The following SOAT1 variants were observed in gnomAD, a reference collection of about 807,000 sequenced individuals.
SOAT1 encodes the protein acyl-coenzyme A:cholesterol acyltransferase 1.
Under a neutral mutation model 69.5 loss-of-function variants are expected in SOAT1, and 55 were observed. The observed-to-expected ratio is 0.79, with a 90% CI of 0.64 to 0.99. The LOEUF (loss-of-function observed/expected upper bound fraction) is 0.99, where lower values mean the gene tolerates loss of function less well. Ranked by LOEUF, SOAT1 falls within the 50% of genes least tolerant of loss-of-function variation. SOAT1 has a pLI of 0.00. For missense variants in SOAT1, 580 were observed against 669.3 expected (o/e 0.87, Z 1.47); for synonymous variants, 231 against 224.7 (o/e 1.03, Z -0.25).
At chr1:179,346,833 G>A (rs1450356619) in intron 11 of SOAT1, among the ~76,000 whole-genome samples, 1 of 152,148 alleles carries the variant, frequency 6.6e-6, no homozygotes, top group Non-Finnish European at 1.5e-5. Flanking sequence ...TATTCTGGAG[G>A]CTGAGGTGGG....
rs549015067 is a variant in SOAT1, at chr1:179,319,516, C to T, written c.119-3921C>T. Among the ~76,000 whole-genome samples the T allele has an allele frequency of 2.0e-5, 3 of 152,216 alleles. No homozygotes were observed. In the East Asian group the frequency reaches 5.8e-4, roughly 29 times the overall value. ...AACTGCCGACCTCAGGTGATCTGCCCGCCTTGGCCTCCCAAAATGCTGGGA... is the reference window on the plus strand; with the variant it reads ...AACTGCCGACCTCAGGTGATCTGCCTGCCTTGGCCTCCCAAAATGCTGGGA... On this transcript the variant is annotated intron_variant, in intron 2 of 15. Transcript: ENST00000367619.
chr1:179,315,045 T>G (rs1264479479), intron 2 of SOAT1, among the ~76,000 whole-genome samples: 1 of 152,172 alleles, frequency 6.6e-6, no homozygotes, highest in Non-Finnish European at 1.5e-5. Context: ...GGGAGGCAAA[T>G]GATTCCGAAA....
At chr1:179,351,612 A>G in intron 15 of SOAT1, 150 bp downstream of exon 15, 1 of 678,822 alleles carries the variant, frequency 1.5e-6, no homozygotes, top group Non-Finnish European at 2.4e-6. Context: ...TTAGTTTATC[A>G]TCTGATCTTA....
intron 3 of SOAT1, among the ~76,000 whole-genome samples, 166 bp downstream of exon 3, chr1:179,323,661 A>G (rs1225246449): frequency 1.3e-5 from 2 of 152,224 alleles, no homozygotes; most frequent in Non-Finnish European, 2.9e-5. Flanking sequence ...CATCCTGCGT[A>G]AGGATCCAGA....
At chr1:179,299,575 A>G (rs561670220) in intron 1 of SOAT1, among the ~76,000 whole-genome samples, 12 of 152,240 alleles carry the variant, frequency 7.9e-5, no homozygotes, top group Middle Eastern at 3.4e-3. Context: ...TAACAATAGT[A>G]TCTGTCTTGA....
intron 2 of SOAT1, among the ~76,000 whole-genome samples, chr1:179,311,432 AAAG>A (rs1251901584): frequency 6.6e-6 from 1 of 152,208 alleles, no homozygotes; most frequent in African/African-American, 2.4e-5. Flanking sequence ...TCTTCAGGGA[AAAG>A]AAGAGTTGCA....
rs1210149049 is a variant in SOAT1 at position 179,354,769 on chromosome 1, T to C, written c.*1128T>C. On this transcript the variant is annotated 3_prime_UTR_variant, in exon 16 of 16. Coordinates refer to ENST00000367619, the MANE Select transcript of SOAT1 (RefSeq NM_003101.6). ...TGTACTCTATTATGTAATACTTCCA[T>C]TTTATAAGATGCCCATTTCTAATAC... is the stretch of plus-strand genomic sequence containing the variant. The C allele has an allele frequency of 6.6e-6, 1 of 152,198 alleles. No individual in the cohort carries two copies. Among genetic ancestry groups the C allele is most frequent in the Non-Finnish European group, 1.5e-5 (1 of 68,032 alleles). 9.4% of individuals were successfully genotyped at this position (152,198 alleles called of 1,614,324 possible).
intron 3 of SOAT1, among the ~76,000 whole-genome samples, chr1:179,331,708 G>A (rs1362704913): frequency 6.6e-6 from 1 of 152,180 alleles, no homozygotes; most frequent in Admixed American, 6.5e-5. Flanking sequence ...TGAAGGAAAA[G>A]AATGAGATTC....
At chr1:179,344,856 GTCACA>G (rs1289651835) in intron 10 of SOAT1, 86 bp from the exon 11 acceptor site, 1 of 1,196,152 alleles carries the variant, frequency 8.4e-7, no homozygotes, top group South Asian at 1.3e-5. Flanking sequence ...TACTGTAAGG[GTCACA>G]TCTGTACTTT....
chr1:179,344,705 G>C (rs992421503), intron 10 of SOAT1, among the ~76,000 whole-genome samples: 1 of 152,134 alleles, frequency 6.6e-6, no homozygotes, highest in Admixed American at 6.5e-5. Context: ...AGGAAAACAG[G>C]TTCCAAGAGT....
chr1:179,345,517 T>C (rs1238757742), intron 11 of SOAT1, among the ~76,000 whole-genome samples: 1 of 152,164 alleles, frequency 6.6e-6, no homozygotes, highest in East Asian at 1.9e-4. Flanking sequence ...CCATGAAGCA[T>C]TGGGTGCTGC....
chr1:179,323,045 C>CTTTTTTTTTTTTTTTTTTTTCTT (rs36045111), intron 2 of SOAT1, among the ~76,000 whole-genome samples: 3 of 126,738 alleles, frequency 2.4e-5, no homozygotes, highest in Non-Finnish European at 3.2e-5. Context: ...TCTTTTCTTT[C>CTTTTTTTTTTTTTTTTTTTTCTT]TTTTTTTTTT....
chr1:179,332,691 CATT>C (rs1263786459), intron 3 of SOAT1, among the ~76,000 whole-genome samples: 6 of 152,176 alleles, frequency 3.9e-5, no homozygotes, highest in Admixed American at 2.0e-4. Flanking sequence ...ATAACCTCAA[CATT>C]ATTTTCAGGT....
At chr1:179,333,500 A>G (rs927886491) in intron 3 of SOAT1, among the ~76,000 whole-genome samples, 1 of 151,708 alleles carries the variant, frequency 6.6e-6, no homozygotes, top group African/African-American at 2.4e-5. Flanking sequence ...CCAGGAGTTC[A>G]AGACCAGTCT....
rs143200222 is a variant in SOAT1, at chr1:179,322,142, C to T, written c.119-1295C>T. ...ACAAATAATCCTCCCCACCAGCCTC[C>T]TAAAGTGCTAGGATTACAAGTGTGC... On this transcript the variant is annotated intron_variant, in intron 2 of 15. Transcript: ENST00000367619. 2.7e-3 allele frequency among the ~76,000 whole-genome samples: 414 copies of T among 152,268 alleles called. 2 individuals carry two copies. The highest frequency in any genetic ancestry group is 0.014 in the Middle Eastern group (4 of 294).
chr1:179,306,878 G>A (rs902773227), intron 2 of SOAT1, among the ~76,000 whole-genome samples: 2 of 148,948 alleles, frequency 1.3e-5, no homozygotes, highest in Admixed American at 6.7e-5. Flanking sequence ...TGTCACAAAT[G>A]CTAGTGTGAC....
chr1:179,345,736 G>A (rs1666510343), intron 11 of SOAT1, among the ~76,000 whole-genome samples: 1 of 151,948 alleles, frequency 6.6e-6, no homozygotes, highest in South Asian at 2.1e-4. Context: ...TTTTTGGAGA[G>A]ACGGGGTCTC....
At chr1:179,333,783 G>A (rs7532172) in intron 3 of SOAT1, among the ~76,000 whole-genome samples, 75,208 of 150,458 alleles carry the variant, frequency 0.5, 19,680 homozygotes, top group East Asian at 0.84. Context: ...CGGTGAGCTA[G>A]TATCATGCCG....
intron 13 of SOAT1, among the ~76,000 whole-genome samples, chr1:179,349,759 T>G (rs1666659834): frequency 6.6e-6 from 1 of 152,214 alleles, no homozygotes; most frequent in South Asian, 2.1e-4. Context: ...ATCTCCTGGT[T>G]GATAAACAGG....
Sources: allele counts gnomAD v4.1 joint callset (sites outside exome capture counted in the v4.1 genomes callset), GRCh38; gene constraint gnomAD v4.1.1; transcripts MANE v1.5; gene names NCBI Gene and HGNC (gene_info 2026-07-23, HGNC 2026-07-21).